The following ZNF517 variants were observed in gnomAD, a reference collection of about 807,000 sequenced individuals.
The protein encoded by ZNF517 is zinc finger protein 517.
In ZNF517, 12 loss-of-function variants were observed where a neutral mutation model predicts 12.1. The ratio of observed to expected loss-of-function variants is 0.99; its 90% CI spans 0.63 to 1.61. ZNF517 has a LOEUF of 1.61. Ranked by LOEUF, ZNF517 falls within the 40% of genes most tolerant of loss-of-function variation. ZNF517 has a pLI of 0.00. For synonymous variants in ZNF517, 388 were observed against 310.2 expected (o/e 1.25, Z -2.63); for missense variants, 781 against 693.2 (o/e 1.13, Z -1.42).
At position 144,807,480 on chromosome 8, in the gene ZNF517, C is replaced by T; in HGVS notation, c.564C>T (p.Tyr188=). ...GCGTGTGCGGCAAGGCGTTCAGATA[C>T]AACTCGCTGCTTCTCAGGCACCAGA... ...YRCVCGKAFR[Y]NSLLLRHQII... is the part of the protein sequence containing the mutation. The change falls in exon 5 of 5, where the codon TAC becomes TAT. Residue 188 remains tyrosine (Y), a synonymous_variant. Coordinates refer to ENST00000359971, the MANE Select transcript of ZNF517 (RefSeq NM_213605.3). The T allele has an allele frequency of 6.3e-7, 1 of 1,582,866 alleles. No individual in the cohort carries two copies. The highest frequency in any genetic ancestry group is 8.6e-7 in the Non-Finnish European group (1 of 1,164,904).
At chr8:144,801,973 C>T (rs1248412094) in intron 1 of ZNF517, among the ~76,000 whole-genome samples, 1 of 152,106 alleles carries the variant, frequency 6.6e-6, no homozygotes, top group African/African-American at 2.4e-5. Flanking sequence ...GTTGAGGCTG[C>T]AGTGAGCTGA....
rs2979083 is a variant in ZNF517 at position 144,808,954 on chromosome 8, C to T, written c.*559C>T. ...CCCAGGAGTTTGAGACCAGCTTGGG[C>T]AACATGGTGAAACTTCTCTACAAAA... is the stretch of plus-strand genomic sequence containing the variant. On this transcript the variant is annotated 3_prime_UTR_variant, in exon 5 of 5. Coordinates refer to ENST00000359971, the MANE Select transcript of ZNF517 (RefSeq NM_213605.3). The T allele has an allele frequency of 7.1e-3, 1,078 of 152,314 alleles. 16 individuals carry two copies. Among genetic ancestry groups the T allele is most frequent in the African/African-American group, 0.025 (1,027 of 41,526 alleles). The allele number at this position is 152,314 out of a possible 1,614,324, so 9.4% of individuals were successfully genotyped here.
At chr8:144,810,364 C>T (rs752116757), downstream of ZNF517, 99 of 487,348 alleles carry the variant, frequency 2.0e-4, no homozygotes, top group South Asian at 2.0e-3. Context: ...CACTGCTCCC[C>T]GGGCTGTGCG....
downstream of ZNF517, among the ~76,000 whole-genome samples, chr8:144,813,285 C>T (rs1827605693): frequency 6.9e-6 from 1 of 145,334 alleles, no homozygotes. Context: ...CATCGCACTC[C>T]AGCCTGGATG....
chr8:144,804,423 C>T (rs1249852519), intron 4 of ZNF517, among the ~76,000 whole-genome samples, 185 bp downstream of exon 4: 1 of 152,124 alleles, frequency 6.6e-6, no homozygotes, highest in Non-Finnish European at 1.5e-5. Flanking sequence ...TGCAGGAAGA[C>T]CCAAGTGCGA....
chr8:144,803,380 G>C (rs1827062286), intron 2 of ZNF517: 1 of 518,644 alleles, frequency 1.9e-6, no homozygotes, highest in South Asian at 2.6e-5. Flanking sequence ...TGGAGAGGGC[G>C]AGGCCAAGGT....
intron 3 of ZNF517, 131 bp downstream of exon 3, chr8:144,803,898 C>T (rs982229880): frequency 7.3e-7 from 1 of 1,373,460 alleles, no homozygotes; most frequent in African/African-American, 1.4e-5. Context: ...CAAGGAGCCC[C>T]TCTCTGCTTC....
intron 3 of ZNF517, 31 bp downstream of exon 3, chr8:144,803,798 G>A (rs752097458): frequency 4.0e-5 from 65 of 1,606,442 alleles, no homozygotes; most frequent in East Asian, 1.8e-4. Flanking sequence ...TCCTGGGGCC[G>A]GGAGGTGCGT....
chr8:144,808,321 C>A lies in ZNF517; in HGVS notation c.1405C>A (p.Gln469Lys), dbSNP rs767800541. 6.6e-7 allele frequency: 1 copy of A among 1,519,228 alleles called. No homozygotes were observed. Among genetic ancestry groups the A allele is most frequent in the East Asian group, 2.4e-5 (1 of 41,556 alleles). 94.1% of individuals were successfully genotyped at this position (1,519,228 alleles called of 1,614,324 possible). ...RACSRLSTLIQHQKVHGREPG... is the reference protein window; with the variant it reads ...RACSRLSTLIKHQKVHGREPG... ...CTGCAGCCGGCTGTCCACCCTCATC[C>A]AGCACCAGAAGGTGCACGGCCGCGA... is the stretch of plus-strand genomic sequence containing the variant. Residue 469 changes from glutamine (Q) to lysine (K), a missense_variant, in exon 5 of 5, where the codon CAG (glutamine) becomes AAG (lysine). Coordinates refer to ENST00000359971, the MANE Select transcript of ZNF517 (RefSeq NM_213605.3).
chr8:144,803,829 G>A, intron 3 of ZNF517, 62 bp downstream of exon 3: 1 of 1,574,996 alleles, frequency 6.3e-7, no homozygotes, highest in African/African-American at 1.4e-5. Context: ...TTCAAAGGAA[G>A]TTGGTTCCAT....
rs753019959 is a variant in ZNF517 at position 144,803,793 on chromosome 8, G to C, written c.160+26G>C. ...GTGAGGGCTTCTGCCTTTGGTCCTG[G>C]GGCCGGGAGGTGCGTCTGTGTTAGC... On this transcript the variant is annotated intron_variant, in intron 3 of 4. Coordinates refer to ENST00000359971, the MANE Select transcript of ZNF517 (RefSeq NM_213605.3). The C allele has an allele frequency of 2.5e-6, 4 of 1,607,850 alleles. No individual in the cohort carries two copies. The South Asian group carries it at 4.4e-5, about 18-fold the overall frequency.
chr8:144,807,660 G>C lies in ZNF517; in HGVS notation c.744G>C (p.Leu248=). The change falls in exon 5 of 5, where the codon CTG becomes CTC. Residue 248 remains leucine, a synonymous_variant. Transcript: ENST00000359971. ...AGGCCTTCCGGCAGAGCACGCAGCTGGCTGCCCACCACCGCGTCCACACCC... is the reference window on the plus strand; with the variant it reads ...AGGCCTTCCGGCAGAGCACGCAGCTCGCTGCCCACCACCGCGTCCACACCC... The part of the protein sequence containing the change: ...CGKAFRQSTQ[L]AAHHRVHTRE... The C allele has an allele frequency of 6.2e-7, 1 of 1,609,102 alleles. No individual in the cohort carries two copies. The highest frequency in any genetic ancestry group is 1.1e-5 in the South Asian group (1 of 90,892).
chr8:144,811,445 A>T (rs1827551727), downstream of ZNF517, among the ~76,000 whole-genome samples: 2 of 146,924 alleles, frequency 1.4e-5, no homozygotes, highest in Non-Finnish European at 3.0e-5. Flanking sequence ...AAAGGCTGAG[A>T]CAGGGTGGGA....
chr8:144,805,710 G>C (rs1827193364), intron 4 of ZNF517, among the ~76,000 whole-genome samples: 1 of 150,648 alleles, frequency 6.6e-6, no homozygotes, highest in East Asian at 2.0e-4. Context: ...CCACCTCCCG[G>C]GTTCACGCCA....
chr8:144,808,358 A>G lies in ZNF517; in HGVS notation c.1442A>G (p.Asp481Gly). ...GTGCACGGCCGCGAGCCCGGGGAGGACACAGAGGGCAGGCGGGCGCCCTGT... is the reference window on the plus strand; with the variant it reads ...GTGCACGGCCGCGAGCCCGGGGAGGGCACAGAGGGCAGGCGGGCGCCCTGT... ...QKVHGREPGE[D>G]TEGRRAPCWA... The change falls in exon 5 of 5, where the codon GAC (aspartate) becomes GGC (glycine). Residue 481 changes from aspartate to glycine, a missense_variant. Physicochemically the swap from Asp to Gly is moderately conservative, Grantham distance 94 (BLOSUM62 -1). Coordinates refer to ENST00000359971, the MANE Select transcript of ZNF517 (RefSeq NM_213605.3). 6.8e-7 allele frequency: 1 copy of G among 1,470,276 alleles called. No homozygotes were observed. The highest frequency in any genetic ancestry group is 9.0e-7 in the Non-Finnish European group (1 of 1,109,398). 91.1% of individuals were successfully genotyped at this position (1,470,276 alleles called of 1,614,324 possible). A position where few individuals can be genotyped will look rare whatever the true frequency, so the allele number is the denominator to read the frequency against.
intron 1 of ZNF517, among the ~76,000 whole-genome samples, chr8:144,800,208 G>C (rs1826889823): frequency 6.6e-6 from 1 of 151,980 alleles, no homozygotes; most frequent in South Asian, 2.1e-4. Flanking sequence ...TCTAAAATTA[G>C]CACCCTCCTC....
intron 2 of ZNF517, chr8:144,803,276 T>G (rs1275494218): frequency 2.1e-6 from 1 of 472,374 alleles, no homozygotes; most frequent in African/African-American, 1.9e-5. Context: ...CCTCTCCTGA[T>G]GCTGACTCAC....
intron 1 of ZNF517, chr8:144,800,414 A>T (rs968636727): frequency 2.0e-5 from 18 of 920,430 alleles, no homozygotes; most frequent in Non-Finnish European, 2.3e-5. Flanking sequence ...ACATGAGCAA[A>T]CACAAAGCAG....
intron 1 of ZNF517, among the ~76,000 whole-genome samples, chr8:144,801,052 CTCCTGACTTCAAATGA>C (rs1425973423): frequency 6.6e-6 from 1 of 152,150 alleles, no homozygotes; most frequent in African/African-American, 2.4e-5. Flanking sequence ...TGGTCACGAA[CTCCTGACTTCAAATGA>C]TCCGCCCTCA....
Sources: gnomAD v4.1 joint callset for allele counts (sites outside exome capture counted in the v4.1 genomes callset) on GRCh38, gnomAD v4.1.1 for gene constraint, MANE v1.5 for transcripts, NCBI Gene and HGNC (gene_info 2026-07-23, HGNC 2026-07-21) for gene names.